The following ROCK1 variants were observed in gnomAD, a reference collection of about 807,000 sequenced individuals.
ROCK1 encodes the protein Rho associated coiled-coil containing protein kinase 1.
ROCK1 carries 36 observed loss-of-function variants against 196.8 expected under a neutral mutation model. The ratio of observed to expected loss-of-function variants is 0.18; its 90% confidence interval spans 0.14 to 0.24. The LOEUF (loss-of-function observed/expected upper bound fraction) is 0.24, where lower values mean the gene tolerates loss of function less well. Among genes scored for constraint, ROCK1 ranks in the 10% least tolerant of loss-of-function variants. ROCK1 has a pLI of 1.00. For synonymous variants in ROCK1, 443 were observed against 515.9 expected (o/e 0.86, Z 1.91); for missense variants, 920 against 1,562.0 (o/e 0.59, Z 6.93).
At chr18:20,988,159 GGATTCTAA>G (rs2035593132) in intron 18 of ROCK1, among the ~76,000 whole-genome samples, 1 of 151,814 alleles carries the variant, frequency 6.6e-6, no homozygotes, top group South Asian at 2.1e-4. Flanking sequence ...TCCGCCTCCT[GGATTCTAA>G]GAATACTCCT....
intron 1 of ROCK1, among the ~76,000 whole-genome samples, chr18:21,095,771 G>A (rs1313728762): frequency 6.6e-6 from 1 of 151,622 alleles, no homozygotes; most frequent in Non-Finnish European, 1.5e-5. Flanking sequence ...ATAAGATCTA[G>A]TATTTGATAG....
At chr18:21,089,524 C>G (rs1176216753) in intron 1 of ROCK1, among the ~76,000 whole-genome samples, 1 of 152,192 alleles carries the variant, frequency 6.6e-6, no homozygotes, top group African/African-American at 2.4e-5. Context: ...TAACTTCACA[C>G]AGATATGGAC....
At chr18:21,028,974 A>C in intron 9 of ROCK1, 39 bp from the exon 10 acceptor site, 1 of 1,586,000 alleles carries the variant, frequency 6.3e-7, no homozygotes, top group Middle Eastern at 1.7e-4. Flanking sequence ...CTTCAAACTT[A>C]AAATACAAGT....
chr18:21,037,261 C>A lies in ROCK1; in HGVS notation c.1051+2211G>T, dbSNP rs1253293679. On this transcript the variant is annotated intron_variant, in intron 9 of 32. Transcript: ENST00000399799. ...AGCTCATGGAAATTCTGCCAAAAAT[C>A]AAGCTATTTTGTATCCTGCTCCCAC... Among the ~76,000 whole-genome samples the A allele has an allele frequency of 2.0e-5, 3 of 152,252 alleles. No homozygotes were observed. In the East Asian group the frequency reaches 5.8e-4, roughly 29 times the overall value.
chr18:20,968,079 A>G (rs1306031578), intron 25 of ROCK1, 139 bp from the exon 26 acceptor site: 1 of 783,572 alleles, frequency 1.3e-6, no homozygotes, highest in Non-Finnish European at 1.9e-6. Flanking sequence ...TTGAGACATG[A>G]TAACTGGTAG....
chr18:21,009,166 C>CTT (rs59587626), intron 13 of ROCK1, among the ~76,000 whole-genome samples: 103 of 122,052 alleles, frequency 8.4e-4, no homozygotes, highest in African/African-American at 9.7e-4. Context: ...TTGAGACAGG[C>CTT]TTTTTTTTTT....
At chr18:20,996,885 T>TA in intron 16 of ROCK1, among the ~76,000 whole-genome samples, 1 of 152,150 alleles carries the variant, frequency 6.6e-6, no homozygotes, top group Middle Eastern at 3.2e-3. Context: ...CAGTTTAAAA[T>TA]AACGGGTTAG....
intron 18 of ROCK1, among the ~76,000 whole-genome samples, chr18:20,989,197 G>C (rs539194374): frequency 2.0e-5 from 3 of 152,318 alleles, no homozygotes; most frequent in Admixed American, 6.5e-5. Context: ...ATGATGATGT[G>C]ATGTTCAGTA....
chr18:20,973,817 T>TG, intron 22 of ROCK1, among the ~76,000 whole-genome samples: 1 of 149,610 alleles, frequency 6.7e-6, no homozygotes, highest in East Asian at 2.0e-4. Flanking sequence ...TTTTTTGAGA[T>TG]GGAGTCTTGC....
chr18:20,966,017 T>A (rs1219393858), intron 27 of ROCK1, among the ~76,000 whole-genome samples: 1 of 152,220 alleles, frequency 6.6e-6, no homozygotes, highest in African/African-American at 2.4e-5. Context: ...TAAAACAGAA[T>A]CCCAATATCA....
chr18:20,991,985 C>T (rs1454676481), intron 17 of ROCK1, among the ~76,000 whole-genome samples: 1 of 152,070 alleles, frequency 6.6e-6, no homozygotes, highest in Admixed American at 6.6e-5. Context: ...TCTACATTTG[C>T]ATCTATATCC....
At chr18:21,013,322 C>T (rs1445317312) in intron 13 of ROCK1, among the ~76,000 whole-genome samples, 1 of 152,214 alleles carries the variant, frequency 6.6e-6, no homozygotes, top group African/African-American at 2.4e-5. Context: ...AGGTTTTCCA[C>T]TCAGCCTCTA....
intron 2 of ROCK1, among the ~76,000 whole-genome samples, chr18:21,055,071 A>C (rs2036235749): frequency 6.6e-6 from 1 of 152,104 alleles, no homozygotes; most frequent in African/African-American, 2.4e-5. Flanking sequence ...AATTATTATA[A>C]TCACTCCCTT....
At chr18:20,960,043 T>A (rs576065200) in intron 28 of ROCK1, 93 bp downstream of exon 28, 1 of 1,058,538 alleles carries the variant, frequency 9.4e-7, no homozygotes, top group South Asian at 1.3e-5. Context: ...GTAAAATAAA[T>A]GCTAGTAAAA....
intron 20 of ROCK1, 109 bp downstream of exon 20, chr18:20,984,242 C>G: frequency 1.2e-6 from 1 of 821,192 alleles, no homozygotes; most frequent in South Asian, 2.1e-5. Context: ...TTTTTTCTGT[C>G]TTTCACAAAC....
intron 29 of ROCK1, among the ~76,000 whole-genome samples, chr18:20,958,912 TTATATATTTTA>T (rs1290752150): frequency 1.3e-5 from 1 of 75,062 alleles, no homozygotes; most frequent in African/African-American, 5.0e-5. Context: ...TATATATATT[TTATATATTTTA>T]TATATATATT....
chr18:20,993,132 G>A (rs940736914), intron 16 of ROCK1, among the ~76,000 whole-genome samples, 195 bp from the exon 17 acceptor site: 1 of 152,196 alleles, frequency 6.6e-6, no homozygotes, highest in Non-Finnish European at 1.5e-5. Context: ...ATAATCTAGT[G>A]CATATTCCTT....
intron 1 of ROCK1, among the ~76,000 whole-genome samples, chr18:21,081,796 A>T (rs538724765): frequency 6.6e-6 from 1 of 152,366 alleles, no homozygotes; most frequent in Non-Finnish European, 1.5e-5. Context: ...AATCTGCCAA[A>T]AATGAACCAT....
At chr18:21,047,458 T>C (rs1041229571) in intron 4 of ROCK1, among the ~76,000 whole-genome samples, 1 of 152,186 alleles carries the variant, frequency 6.6e-6, no homozygotes, top group African/African-American at 2.4e-5. Flanking sequence ...TGAGAAACTC[T>C]GATCTACATA....
Sources: allele counts gnomAD v4.1 joint callset (sites outside exome capture counted in the v4.1 genomes callset), GRCh38; gene constraint gnomAD v4.1.1; transcripts MANE v1.5; gene names NCBI Gene and HGNC (gene_info 2026-07-23, HGNC 2026-07-21).